TMEM132D: variants seen among roughly 807,000 people sequenced by gnomAD.
TMEM132D encodes transmembrane protein 132D.
In TMEM132D, 21 loss-of-function variants were observed where a neutral mutation model predicts 62.3. That is an observed-to-expected ratio of 0.34 (90% CI 0.24 to 0.49). The LOEUF (loss-of-function observed/expected upper bound fraction) is 0.49, where lower values mean the gene tolerates loss of function less well. TMEM132D is among the 20% of genes least tolerant of loss of function. The probability of loss-of-function intolerance (pLI) is 0.99; values close to 1 mark genes in which losing one functional copy is unlikely to be tolerated. For missense variants in TMEM132D, 1,346 were observed against 1,402.8 expected, an observed-to-expected ratio of 0.96 and a Z score of 0.65; for synonymous variants, 621 against 575.6, an observed-to-expected ratio of 1.08 and a Z score of -1.13.
intron 3 of TMEM132D, among the ~76,000 whole-genome samples, chr12:129,484,359 C>T (rs1039236830): frequency 6.6e-6 from 1 of 152,154 alleles, no homozygotes; most frequent in Non-Finnish European, 1.5e-5. Context: ...AAAACTTGTC[C>T]AAGGGTAACT....
At chr12:129,847,729 C>G (rs760435477) in intron 1 of TMEM132D, among the ~76,000 whole-genome samples, 1 of 152,116 alleles carries the variant, frequency 6.6e-6, no homozygotes, top group Non-Finnish European at 1.5e-5. Flanking sequence ...CTGCTAGTCT[C>G]CTGGCTCAAG....
chr12:129,199,142 C>A (rs1188765541), intron 5 of TMEM132D, among the ~76,000 whole-genome samples: 2 of 130,984 alleles, frequency 1.5e-5, no homozygotes, highest in African/African-American at 2.9e-5. Context: ...CAGGGTCTCG[C>A]TCTGTCATCC....
chr12:129,582,016 G>C (rs749616043), intron 2 of TMEM132D, among the ~76,000 whole-genome samples: 6 of 152,208 alleles, frequency 3.9e-5, no homozygotes, highest in Non-Finnish European at 8.8e-5. Flanking sequence ...GCATCAATGA[G>C]ATACAGCAGG....
intron 1 of TMEM132D, among the ~76,000 whole-genome samples, chr12:129,714,931 G>A (rs73434142): frequency 5.5e-4 from 83 of 152,232 alleles, no homozygotes; most frequent in African/African-American, 1.9e-3. Context: ...ACTTTATCTC[G>A]TCTCCAGCCT....
rs140117155 is a variant in TMEM132D at position 129,186,809 on chromosome 12, C to T, written c.1443+22711G>A. ...TGCTAAATGATAATAGCAACTACAA[C>T]GTCATTGTGAAAGTGACAATTCCAT... is the stretch of plus-strand genomic sequence containing the variant. On this transcript the variant is annotated intron_variant, in intron 5 of 8. Coordinates refer to ENST00000422113, the MANE Select transcript of TMEM132D (RefSeq NM_133448.3). 2.3e-3 allele frequency among the ~76,000 whole-genome samples: 347 copies of T among 152,280 alleles called. 1 individual carries two copies. Among genetic ancestry groups the T allele is most frequent in the African/African-American group, 7.6e-3 (317 of 41,552 alleles).
intron 2 of TMEM132D, among the ~76,000 whole-genome samples, chr12:129,549,101 A>G (rs1876818550): frequency 6.6e-6 from 1 of 151,590 alleles, no homozygotes; most frequent in Admixed American, 6.6e-5. Flanking sequence ...TAGCTCCCAT[A>G]ATTTCCCTGT....
intron 5 of TMEM132D, among the ~76,000 whole-genome samples, chr12:129,172,928 G>A (rs371148264): frequency 6.6e-6 from 1 of 152,264 alleles, no homozygotes; most frequent in East Asian, 1.9e-4. Context: ...CGAGGAGAGG[G>A]AAAATGATGG....
At chr12:129,540,644 C>A (rs903943652) in intron 2 of TMEM132D, among the ~76,000 whole-genome samples, 1 of 152,042 alleles carries the variant, frequency 6.6e-6, no homozygotes, top group African/African-American at 2.4e-5. Flanking sequence ...TGCCACTACC[C>A]CCAGCTAATT....
chr12:129,334,547 T>A (rs896651489), intron 4 of TMEM132D, among the ~76,000 whole-genome samples: 1 of 152,202 alleles, frequency 6.6e-6, no homozygotes, highest in Non-Finnish European at 1.5e-5. Context: ...AGTCTGGCTC[T>A]CCACTTAGTT....
At chr12:129,488,730 G>A (rs1874665663) in intron 3 of TMEM132D, among the ~76,000 whole-genome samples, 1 of 152,124 alleles carries the variant, frequency 6.6e-6, no homozygotes, top group African/African-American at 2.4e-5. Context: ...GAGTGTGGCG[G>A]GGGAAACTTC....
intron 3 of TMEM132D, among the ~76,000 whole-genome samples, chr12:129,474,412 G>A (rs1233051713): frequency 2.0e-5 from 3 of 152,184 alleles, no homozygotes; most frequent in Admixed American, 2.0e-4. Context: ...GAGGGTTGAA[G>A]AAACCCAAAC....
intron 3 of TMEM132D, among the ~76,000 whole-genome samples, chr12:129,521,126 T>C (rs764359975): frequency 7.9e-5 from 12 of 152,224 alleles, no homozygotes; most frequent in Non-Finnish European, 1.8e-4. Flanking sequence ...CACATGTTGG[T>C]ATTCTGTCCA....
intron 2 of TMEM132D, among the ~76,000 whole-genome samples, chr12:129,678,935 AG>A (rs1195018581): frequency 6.6e-6 from 1 of 151,996 alleles, no homozygotes; most frequent in African/African-American, 2.4e-5. Flanking sequence ...ACATTTTCAT[AG>A]GTCTGTTTTT....
chr12:129,548,138 C>G (rs1876791581), intron 2 of TMEM132D, among the ~76,000 whole-genome samples: 1 of 152,204 alleles, frequency 6.6e-6, no homozygotes, highest in Non-Finnish European at 1.5e-5. Context: ...CCCCGTGGGG[C>G]AATTTCCTTC....
intron 3 of TMEM132D, among the ~76,000 whole-genome samples, chr12:129,356,966 G>A (rs547925910): frequency 4.4e-4 from 67 of 151,338 alleles, no homozygotes; most frequent in African/African-American, 1.6e-3. Context: ...GGAGGGCAAG[G>A]CCGGGCCTGA....
At chr12:129,218,111 C>T (rs1372404600) in intron 4 of TMEM132D, among the ~76,000 whole-genome samples, 1 of 152,190 alleles carries the variant, frequency 6.6e-6, no homozygotes, top group Non-Finnish European at 1.5e-5. Context: ...AAAGTCTATG[C>T]CCTTTATCCT....
Position 129,074,958 on chromosome 12 carries a change from A to G in TMEM132D, c.2217T>C (p.Asp739=). Reference sequence around the variant, plus strand: ...CTTGGTGGATGGAGACTACCTTCTCATCCAAAGATGTGGCCATCAAGGAGA... The same window carrying G: ...CTTGGTGGATGGAGACTACCTTCTCGTCCAAAGATGTGGCCATCAAGGAGA... ...KDFSLMATSL[D]EKVVSIHQDP... The change falls in exon 9 of 9, where the codon GAT becomes GAC. Residue 739 remains aspartate, a synonymous_variant. Transcript: ENST00000422113. The G allele has an allele frequency of 6.2e-7, 1 of 1,614,024 alleles. No homozygotes were observed. The highest frequency in any genetic ancestry group is 8.5e-7 in the Non-Finnish European group (1 of 1,180,008).
intron 3 of TMEM132D, among the ~76,000 whole-genome samples, chr12:129,429,674 G>A (rs1872597990): frequency 6.6e-6 from 1 of 150,812 alleles, no homozygotes; most frequent in African/African-American, 2.4e-5. Flanking sequence ...ATGTTAGTGT[G>A]CTGCACCCAT....
rs1253519051 is a variant in TMEM132D, at chr12:129,440,146, T to C, written c.1115+90913A>G. On this transcript the variant is annotated intron_variant, in intron 3 of 8. Transcript: ENST00000422113. The stretch of plus-strand genomic sequence containing the variant: ...CACACTTCTTACCTAAACTCACTTT[T>C]ACCAAAGCTAGTCCAACAGGAAACA... Among the ~76,000 whole-genome samples, 5 of 152,362 alleles carry C rather than the reference T, an allele frequency of 3.3e-5. No individual in the cohort carries two copies. The East Asian group carries it at 7.7e-4, about 24-fold the overall frequency.
Sources: gnomAD v4.1 joint callset for allele counts (sites outside exome capture counted in the v4.1 genomes callset) on GRCh38, gnomAD v4.1.1 for gene constraint, MANE v1.5 for transcripts, NCBI Gene and HGNC (gene_info 2026-07-23, HGNC 2026-07-21) for gene names.